DIPK1A: variants seen among roughly 807,000 people sequenced by gnomAD.
DIPK1A encodes family with sequence similarity 69 member A.
In DIPK1A, 27 loss-of-function variants were observed where a neutral mutation model predicts 40.8. The ratio of observed to expected loss-of-function variants is 0.66; its 90% CI spans 0.49 to 0.91. The LOEUF is 0.91. Ranked by LOEUF, DIPK1A falls within the 40% of genes least tolerant of loss-of-function variation. The probability of loss-of-function intolerance (pLI) is 0.00; values close to 1 mark genes in which losing one functional copy is unlikely to be tolerated. For synonymous variants in DIPK1A, 166 were observed against 171.3 expected, an observed-to-expected ratio of 0.97 and a Z score of 0.24; for missense variants, 412 against 505.7, an observed-to-expected ratio of 0.81 and a Z score of 1.78.
chr1:92,951,244 C>CCT (rs1651622868), intron 1 of DIPK1A, among the ~76,000 whole-genome samples: 1 of 152,140 alleles, frequency 6.6e-6, no homozygotes, highest in Non-Finnish European at 1.5e-5. Flanking sequence ...AGGACTCCAC[C>CCT]CATAGTTGCT....
intron 1 of DIPK1A, among the ~76,000 whole-genome samples, chr1:92,939,603 G>C (rs1651074290): frequency 6.6e-6 from 1 of 151,952 alleles, no homozygotes; most frequent in Admixed American, 6.6e-5. Context: ...TCCACCCAAT[G>C]ATACCCCTTT....
At position 92,843,657 on chromosome 1, in the gene DIPK1A, A is replaced by G; in HGVS notation, c.1013T>C (p.Val338Ala). 1 of 1,551,744 alleles carries G rather than the reference A, an allele frequency of 6.4e-7. No individual in the cohort carries two copies. The change falls in exon 5 of 5, where the codon GTC (valine) becomes GCC (alanine). Residue 338 changes from valine to alanine, a missense_variant. Physicochemically the swap from Val to Ala is moderately conservative, Grantham distance 64. Coordinates refer to ENST00000370310, the MANE Select transcript of DIPK1A (RefSeq NM_001006605.5). Reference protein sequence around the residue: ...DRHCESDLDCVYGTDCRTSCD... With the variant: ...DRHCESDLDCAYGTDCRTSCD... ...GCTAGTTCTACAATCTGTGCCATAGACACAGTCCAAATCAGACTCACAGTG... is the reference window on the plus strand; with the variant it reads ...GCTAGTTCTACAATCTGTGCCATAGGCACAGTCCAAATCAGACTCACAGTG...
intron 1 of DIPK1A, among the ~76,000 whole-genome samples, chr1:92,946,890 G>A (rs1334441423): frequency 6.6e-6 from 1 of 150,712 alleles, no homozygotes; most frequent in East Asian, 1.9e-4. Flanking sequence ...GCGGCAGTGA[G>A]CTGAGACTGT....
intron 2 of DIPK1A, among the ~76,000 whole-genome samples, chr1:92,868,921 G>A (rs1331474059): frequency 1.0e-4 from 15 of 147,384 alleles, no homozygotes; most frequent in South Asian, 2.2e-4. Flanking sequence ...AGCTGAGATC[G>A]TGCCACTGCA....
chr1:92,912,626 C>T (rs1031636666), intron 1 of DIPK1A, among the ~76,000 whole-genome samples: 4 of 152,084 alleles, frequency 2.6e-5, no homozygotes, highest in Non-Finnish European at 5.9e-5. Flanking sequence ...CTTGATGAGT[C>T]CAAAGATCTA....
Position 92,961,163 on chromosome 1 carries a change from C to T in DIPK1A, c.54+213G>A, listed in dbSNP as rs375092305. On this transcript the variant is annotated intron_variant, in intron 1 of 4. Coordinates refer to ENST00000370310, the MANE Select transcript of DIPK1A (RefSeq NM_001006605.5). ...CCCTGGAGCCCGGCTGGCCGCGGCG[C>T]GGGAGCCGCGAGGGCCGCGGTGGGG... 5.6e-3 allele frequency among the ~76,000 whole-genome samples: 755 copies of T among 135,258 alleles called. 1 individual carries two copies. The highest frequency in any genetic ancestry group is 8.9e-3 in the Non-Finnish European group (574 of 64,364). The allele number at this position is 135,258 out of a possible 152,430, so 88.7% of individuals were successfully genotyped here. A position where few individuals can be genotyped will look rare whatever the true frequency, so the allele number is the denominator to read the frequency against.
chr1:92,899,282 C>T (rs1649312680), intron 1 of DIPK1A, among the ~76,000 whole-genome samples: 1 of 152,144 alleles, frequency 6.6e-6, no homozygotes, highest in Non-Finnish European at 1.5e-5. Flanking sequence ...GAATTGATCC[C>T]TTTAACATTA....
At chr1:92,934,010 T>C (rs1043454091) in intron 1 of DIPK1A, 2 of 152,142 alleles carry the variant, frequency 1.3e-5, no homozygotes, top group Non-Finnish European at 1.5e-5. Context: ...GCAGTGAAGA[T>C]AAAGGGTGAA....
chr1:92,931,600 C>T (rs764048181), intron 1 of DIPK1A: 1 of 156,660 alleles, frequency 6.4e-6, no homozygotes, highest in South Asian at 1.8e-4. Context: ...GAGGACTGCT[C>T]CCAAAGAGAA....
intron 1 of DIPK1A, among the ~76,000 whole-genome samples, chr1:92,938,470 A>T (rs1424305486): frequency 1.4e-5 from 2 of 139,430 alleles, no homozygotes; most frequent in Non-Finnish European, 1.5e-5. Flanking sequence ...ACCTTTACTA[A>T]AAAAAAAAAA....
At chr1:92,866,075 A>G (rs1647521090) in intron 2 of DIPK1A, among the ~76,000 whole-genome samples, 1 of 152,082 alleles carries the variant, frequency 6.6e-6, no homozygotes, top group African/African-American at 2.4e-5. Context: ...CAGATATAAA[A>G]AGAAACCTCC....
At chr1:92,930,952 C>A (rs1325993871) in intron 1 of DIPK1A, 1 of 152,110 alleles carries the variant, frequency 6.6e-6, no homozygotes, top group Non-Finnish European at 1.5e-5. Context: ...CAATTGTTGA[C>A]TTACTTTTCC....
At chr1:92,952,810 T>C (rs1187684443) in intron 1 of DIPK1A, among the ~76,000 whole-genome samples, 1 of 152,042 alleles carries the variant, frequency 6.6e-6, no homozygotes, top group Admixed American at 6.6e-5. Context: ...GTACATAGGA[T>C]GGCAGCCTGA....
chr1:92,837,382 G>C (rs770997149), downstream of DIPK1A: 7 of 1,272,558 alleles, frequency 5.5e-6, no homozygotes, highest in Non-Finnish European at 6.9e-6. Context: ...ACTGATGGCA[G>C]CTACTAAAGT....
chr1:92,939,297 T>C (rs1297156591), intron 1 of DIPK1A, among the ~76,000 whole-genome samples: 2 of 152,342 alleles, frequency 1.3e-5, no homozygotes, highest in Admixed American at 1.3e-4. Context: ...ACTGAATTTC[T>C]ATCACCTTTG....
In DIPK1A at chr1:92,843,590, T is replaced by C. The variant is rs1445392767; in HGVS notation, c.1080A>G (p.Gln360=). Residue 360 remains glutamine (Q), a synonymous_variant, in exon 5 of 5, where the codon CAA becomes CAG. Transcript: ENST00000370310. ...STMKCTSEVI[Q]PNLAKACQLL... ...ACTGACAAGCTTTTGCCAAGTTTGG[T>C]TGTATCACTTCTGAAGTACACTTCA... 4 of 1,551,990 alleles carry C rather than the reference T, an allele frequency of 2.6e-6. No homozygotes were observed. The highest frequency in any genetic ancestry group is 3.5e-6 in the Non-Finnish European group (4 of 1,147,046).
Position 92,850,988 on chromosome 1 carries a change from G to T in DIPK1A, c.190-33C>A, listed in dbSNP as rs554508000. 1.0e-5 allele frequency: 14 copies of T among 1,334,654 alleles called. No individual in the cohort carries two copies. The East Asian group carries it at 3.3e-4, about 31-fold the overall frequency. The allele number at this position is 1,334,654 out of a possible 1,614,324, so 82.7% of individuals were successfully genotyped here. A position where few individuals can be genotyped will look rare whatever the true frequency, so the allele number is the denominator to read the frequency against. ...CCAGGAAATAAAAAAGTAGTTAATAGAAAAATATTCACAAGAAGAAGCATA... is the reference window on the plus strand; with the variant it reads ...CCAGGAAATAAAAAAGTAGTTAATATAAAAATATTCACAAGAAGAAGCATA... On this transcript the variant is annotated intron_variant, in intron 2 of 4. Coordinates refer to ENST00000370310, the MANE Select transcript of DIPK1A (RefSeq NM_001006605.5).
intron 2 of DIPK1A, among the ~76,000 whole-genome samples, chr1:92,852,224 T>A (rs1403015340): frequency 6.6e-6 from 1 of 152,026 alleles, no homozygotes; most frequent in African/African-American, 2.4e-5. Flanking sequence ...CTAGGCAGGG[T>A]GCAGTGGCTC....
chr1:92,845,508 G>GAAAA (rs552078855), intron 4 of DIPK1A: 207 of 199,936 alleles, frequency 1.0e-3, no homozygotes, highest in South Asian at 1.7e-3. Flanking sequence ...GTCTATGCTA[G>GAAAA]AAAAAAAAAA....
Sources: gnomAD v4.1 joint callset for allele counts (sites outside exome capture counted in the v4.1 genomes callset) on GRCh38, gnomAD v4.1.1 for gene constraint, MANE v1.5 for transcripts, NCBI Gene and HGNC (gene_info 2026-07-23, HGNC 2026-07-21) for gene names.